COBL: variants seen among roughly 807,000 people sequenced by gnomAD.
The protein encoded by COBL is cordon-bleu WH2 repeat protein.
A neutral mutation model predicts 98.8 loss-of-function variants in COBL; 51 were observed. The observed-to-expected ratio is 0.52, with a 90% CI of 0.41 to 0.65. COBL has a LOEUF of 0.65. COBL is among the 30% of genes least tolerant of loss of function. The pLI is 0.00. For synonymous variants in COBL, 634 were observed against 651.7 expected, an observed-to-expected ratio of 0.97 and a Z score of 0.41; for missense variants, 1,617 against 1,617.5, an observed-to-expected ratio of 1.00 and a Z score of 0.01.
intron 1 of COBL, among the ~76,000 whole-genome samples, chr7:51,283,236 A>C (rs1799963578): frequency 6.6e-6 from 1 of 152,144 alleles, no homozygotes; most frequent in Non-Finnish European, 1.5e-5. Flanking sequence ...GAAACCTATA[A>C]AAAGAATGAC....
rs1786373798 is a variant in COBL at position 51,017,367 on chromosome 7, A to G, written c.*184T>C. 2 of 645,414 alleles carry G rather than the reference A, an allele frequency of 3.1e-6. No homozygotes were observed. Among genetic ancestry groups the G allele is most frequent in the Non-Finnish European group, 5.6e-6 (2 of 358,458 alleles). 40.0% of individuals were successfully genotyped at this position (645,414 alleles called of 1,614,324 possible). A position where few individuals can be genotyped will look rare whatever the true frequency, so the allele number is the denominator to read the frequency against. On this transcript the variant is annotated 3_prime_UTR_variant, in exon 13 of 13. Transcript: ENST00000265136. ...CTTGGCACACGAGCTGCGCAGCGAC[A>G]CAGCATCTTCTCCTTTCCTTTCAAG...
chr7:51,082,251 T>C (rs537938944), intron 7 of COBL, among the ~76,000 whole-genome samples: 2 of 152,282 alleles, frequency 1.3e-5, no homozygotes, highest in South Asian at 2.1e-4. Context: ...CACAGTGATA[T>C]TGCGCTGCTC....
intron 1 of COBL, among the ~76,000 whole-genome samples, chr7:51,307,984 G>T (rs1802648386): frequency 6.6e-6 from 1 of 152,210 alleles, no homozygotes. Flanking sequence ...TTAGGCAGGA[G>T]CAGGAGGAAG....
intron 1 of COBL, among the ~76,000 whole-genome samples, chr7:51,266,503 G>A (rs938255622): frequency 1.9e-4 from 29 of 152,220 alleles, no homozygotes; most frequent in African/African-American, 6.7e-4. Context: ...CCTTGAACCC[G>A]GGAGGCAGAG....
chr7:51,031,422 T>A (rs1788132747), intron 8 of COBL: 1 of 156,040 alleles, frequency 6.4e-6, no homozygotes, highest in African/African-American at 2.4e-5. Context: ...CCACCTCACC[T>A]CAACACTGCA....
At chr7:51,059,271 C>T (rs748453455) in intron 7 of COBL, among the ~76,000 whole-genome samples, 34 of 152,080 alleles carry the variant, frequency 2.2e-4, no homozygotes, top group Non-Finnish European at 3.8e-4. Flanking sequence ...GTCTTTATTT[C>T]GATGTTTTGG....
intron 6 of COBL, among the ~76,000 whole-genome samples, chr7:51,134,914 A>T (rs898871256): frequency 1.3e-5 from 2 of 152,184 alleles, no homozygotes; most frequent in South Asian, 4.1e-4. Context: ...ATCATGAAGA[A>T]CTCAAAATAA....
chr7:51,106,017 A>G (rs1275945069), intron 6 of COBL, among the ~76,000 whole-genome samples: 1 of 136,968 alleles, frequency 7.3e-6, no homozygotes, highest in Non-Finnish European at 1.6e-5. Context: ...ACATGGTGAA[A>G]CCCTGTCTCT....
chr7:51,213,347 C>G (rs999761576), intron 2 of COBL, among the ~76,000 whole-genome samples: 1 of 152,216 alleles, frequency 6.6e-6, no homozygotes, highest in African/African-American at 2.4e-5. Flanking sequence ...CAGTGGCATT[C>G]GATTCTCATA....
At chr7:51,255,773 G>A (rs564304100) in intron 1 of COBL, among the ~76,000 whole-genome samples, 19 of 152,278 alleles carry the variant, frequency 1.2e-4, no homozygotes, top group African/African-American at 3.4e-4. Context: ...AGGAGGTTCC[G>A]ATGACCTCAC....
chr7:51,044,824 C>A (rs777476623), intron 7 of COBL, among the ~76,000 whole-genome samples: 2 of 152,170 alleles, frequency 1.3e-5, no homozygotes, highest in Non-Finnish European at 2.9e-5. Context: ...GGACAGGAGA[C>A]TAACAACTTA....
intron 1 of COBL, among the ~76,000 whole-genome samples, chr7:51,244,034 G>A (rs895221602): frequency 1.3e-5 from 2 of 152,144 alleles, no homozygotes; most frequent in African/African-American, 2.4e-5. Flanking sequence ...AAACCATCAT[G>A]TGAAAATGCT....
chr7:51,083,259 C>T, intron 7 of COBL: 3 of 1,431,178 alleles, frequency 2.1e-6, no homozygotes, highest in Non-Finnish European at 2.7e-6. Context: ...GTTACTTCAG[C>T]AGGTTAAACC....
chr7:51,086,493 C>A (rs950152299), intron 6 of COBL, among the ~76,000 whole-genome samples: 3 of 151,754 alleles, frequency 2.0e-5, no homozygotes, highest in Non-Finnish European at 4.4e-5. Context: ...AAGGGCTCAT[C>A]ATAGGAATGG....
chr7:51,247,747 T>A (rs756255606), intron 1 of COBL, among the ~76,000 whole-genome samples: 1 of 152,128 alleles, frequency 6.6e-6, no homozygotes, highest in Non-Finnish European at 1.5e-5. Flanking sequence ...CCTATTGAAA[T>A]TATCCTAAGG....
chr7:51,147,425 C>T (rs1240997050), intron 5 of COBL, among the ~76,000 whole-genome samples: 2 of 152,202 alleles, frequency 1.3e-5, no homozygotes, highest in Non-Finnish European at 2.9e-5. Flanking sequence ...CAGGAGAGTA[C>T]ACCGAACAAA....
At chr7:51,303,441 C>T (rs1802174422) in intron 1 of COBL, among the ~76,000 whole-genome samples, 1 of 152,114 alleles carries the variant, frequency 6.6e-6, no homozygotes, top group African/African-American at 2.4e-5. Context: ...CTTGACCATG[C>T]ATGCAGAGAC....
intron 8 of COBL, among the ~76,000 whole-genome samples, chr7:51,039,467 C>A (rs1039910167): frequency 6.6e-6 from 1 of 152,258 alleles, no homozygotes; most frequent in African/African-American, 2.4e-5. Flanking sequence ...CAGCTCCCTG[C>A]CAGCCCTGCC....
At chr7:51,125,866 G>C (rs1357323134) in intron 6 of COBL, among the ~76,000 whole-genome samples, 2 of 152,092 alleles carry the variant, frequency 1.3e-5, no homozygotes, top group Non-Finnish European at 2.9e-5. Flanking sequence ...CACTGTCTTG[G>C]GACAGAAATT....
Sources: allele counts gnomAD v4.1 joint callset (sites outside exome capture counted in the v4.1 genomes callset), GRCh38; gene constraint gnomAD v4.1.1; transcripts MANE v1.5; gene names NCBI Gene and HGNC (gene_info 2026-07-23, HGNC 2026-07-21).